Variants in NRG3 observed in about 807,000 individuals in gnomAD.
The protein encoded by NRG3 is pro-neuregulin-3, membrane-bound isoform.
NRG3 carries 31 observed loss-of-function variants against 66.9 expected under a neutral mutation model. The observed-to-expected ratio is 0.46, with a 90% confidence interval of 0.35 to 0.63. The LOEUF (loss-of-function observed/expected upper bound fraction) is 0.63, where lower values mean the gene tolerates loss of function less well. Among genes scored for constraint, NRG3 ranks in the 20% least tolerant of loss-of-function variants. The pLI is 0.00. For missense variants in NRG3, 910 were observed against 878.9 expected (o/e 1.04, Z -0.45); for synonymous variants, 393 against 359.4 (o/e 1.09, Z -1.06).
intron 2 of NRG3, among the ~76,000 whole-genome samples, chr10:82,577,611 T>G (rs544092832): frequency 4.0e-5 from 6 of 151,764 alleles, no homozygotes; most frequent in Non-Finnish European, 7.4e-5. Context: ...ATTGTTTTGT[T>G]GCACTAGCTT....
intron 1 of NRG3, among the ~76,000 whole-genome samples, chr10:82,200,038 T>G (rs1363467427): frequency 1.3e-5 from 2 of 152,076 alleles, no homozygotes; most frequent in African/African-American, 4.8e-5. Context: ...TAATTACACA[T>G]AGGGTTGTCA....
chr10:82,779,339 G>T (rs765487246), intron 3 of NRG3, among the ~76,000 whole-genome samples: 4 of 152,130 alleles, frequency 2.6e-5, no homozygotes, highest in African/African-American at 9.7e-5. Flanking sequence ...TTAGCTGGGG[G>T]CATGAGTGGC....
intron 1 of NRG3, among the ~76,000 whole-genome samples, chr10:82,019,764 C>T (rs1317283966): frequency 6.6e-6 from 1 of 152,088 alleles, no homozygotes; most frequent in African/African-American, 2.4e-5. Flanking sequence ...GTTTGTATTT[C>T]TGTGGGATCG....
chr10:82,655,474 T>A (rs967682214), intron 2 of NRG3, among the ~76,000 whole-genome samples: 1 of 152,072 alleles, frequency 6.6e-6, no homozygotes, highest in Non-Finnish European at 1.5e-5. Context: ...ATTAACATAA[T>A]TAGACATGAA....
chr10:82,880,746 A>G (rs543701348), intron 4 of NRG3, among the ~76,000 whole-genome samples: 2 of 152,368 alleles, frequency 1.3e-5, no homozygotes, highest in African/African-American at 4.8e-5. Flanking sequence ...ACATAAATTT[A>G]AATTTCAGAG....
chr10:82,704,971 C>T (rs927758133), intron 2 of NRG3, among the ~76,000 whole-genome samples: 4 of 152,282 alleles, frequency 2.6e-5, no homozygotes, highest in Non-Finnish European at 5.9e-5. Flanking sequence ...TCACACAAAT[C>T]ACTGAATAAT....
At chr10:82,439,742 G>T (rs946171864) in intron 2 of NRG3, among the ~76,000 whole-genome samples, 3 of 151,664 alleles carry the variant, frequency 2.0e-5, no homozygotes, top group African/African-American at 7.3e-5. Context: ...TGTGTTCTTG[G>T]AATAAAATTA....
chr10:82,848,292 G>C (rs950197150), intron 3 of NRG3, among the ~76,000 whole-genome samples: 4 of 152,158 alleles, frequency 2.6e-5, no homozygotes, highest in Non-Finnish European at 5.9e-5. Context: ...CTTGCATCAA[G>C]GTAACCCAGA....
intron 3 of NRG3, among the ~76,000 whole-genome samples, chr10:82,836,023 A>G (rs1270367639): frequency 1.1e-4 from 16 of 152,186 alleles, no homozygotes. Flanking sequence ...TATGGCTGAC[A>G]AGCTAAGAAT....
intron 1 of NRG3, among the ~76,000 whole-genome samples, chr10:82,264,247 G>C (rs550799237): frequency 6.6e-6 from 1 of 152,334 alleles, no homozygotes; most frequent in African/African-American, 2.4e-5. Context: ...GTTCCACATT[G>C]CTGGGGGGCC....
intron 3 of NRG3, among the ~76,000 whole-genome samples, chr10:82,840,963 T>G (rs1293034200): frequency 1.3e-5 from 2 of 152,136 alleles, no homozygotes; most frequent in Non-Finnish European, 2.9e-5. Flanking sequence ...AATGTAATAT[T>G]ACTTGAAAAT....
intron 3 of NRG3, among the ~76,000 whole-genome samples, chr10:82,826,450 T>G (rs1224095515): frequency 6.6e-6 from 1 of 152,214 alleles, no homozygotes; most frequent in Non-Finnish European, 1.5e-5. Context: ...ATAAAAGGCA[T>G]GTAGCTTTTT....
chr10:82,424,889 A>C (rs2089321328), intron 2 of NRG3, among the ~76,000 whole-genome samples: 1 of 152,036 alleles, frequency 6.6e-6, no homozygotes, highest in Admixed American at 6.6e-5. Context: ...TTATTTAAAA[A>C]AAAATTCTTT....
chr10:82,902,325 C>G (rs1292397575), intron 4 of NRG3, among the ~76,000 whole-genome samples: 1 of 152,070 alleles, frequency 6.6e-6, no homozygotes, highest in Non-Finnish European at 1.5e-5. Flanking sequence ...CATTATTTTT[C>G]CATAGAGGGT....
chr10:82,025,144 T>C (rs1485762209), intron 1 of NRG3, among the ~76,000 whole-genome samples: 1 of 151,854 alleles, frequency 6.6e-6, no homozygotes, highest in Non-Finnish European at 1.5e-5. Context: ...TTGTTTCTTA[T>C]TTTTTAAATT....
At chr10:82,514,415 TCTC>T (rs1845467394) in intron 2 of NRG3, among the ~76,000 whole-genome samples, 1 of 152,178 alleles carries the variant, frequency 6.6e-6, no homozygotes, top group Non-Finnish European at 1.5e-5. Context: ...GCTAGCCAGT[TCTC>T]CTAGCACCAA....
intron 2 of NRG3, among the ~76,000 whole-genome samples, chr10:82,645,799 T>C (rs979171564): frequency 1.3e-4 from 20 of 152,182 alleles, no homozygotes; most frequent in Admixed American, 1.2e-3. Flanking sequence ...CCTTCAGGCC[T>C]CTTTCATTTT....
In NRG3 at chr10:82,233,683, C is replaced by A. The variant is rs749055844; in HGVS notation, c.824-125056C>A. Among the ~76,000 whole-genome samples the A allele has an allele frequency of 6.4e-4, 98 of 152,120 alleles. 1 individual carries two copies. Among genetic ancestry groups the A allele is most frequent in the Admixed American group, 3.5e-3 (54 of 15,276 alleles). On this transcript the variant is annotated intron_variant, in intron 1 of 8. Transcript: ENST00000372141. ...AAACATACCTCTTGGTTCTCCTCCC[C>A]ACTCTTGCTTCTCCCTCAGTCTTCC... is the stretch of plus-strand genomic sequence containing the variant.
chr10:82,797,781 T>C lies in NRG3; in HGVS notation c.1027+59131T>C, dbSNP rs2060862060. Among the ~76,000 whole-genome samples, 4 of 152,134 alleles carry C rather than the reference T, an allele frequency of 2.6e-5. No individual in the cohort carries two copies. The South Asian group carries it at 8.3e-4, about 31-fold the overall frequency. Reference sequence around the variant, plus strand: ...GATCTCAATTGGTAGATCGGAGTTGTCTTCTAGGGGAGTTTATGAATGTAA... The same window carrying C: ...GATCTCAATTGGTAGATCGGAGTTGCCTTCTAGGGGAGTTTATGAATGTAA... On this transcript the variant is annotated intron_variant, in intron 3 of 8. Transcript: ENST00000372141.
Sources: allele counts gnomAD v4.1 joint callset (sites outside exome capture counted in the v4.1 genomes callset), GRCh38; gene constraint gnomAD v4.1.1; transcripts MANE v1.5; gene names NCBI Gene and HGNC (gene_info 2026-07-23, HGNC 2026-07-21).